RBAK: variants seen among roughly 807,000 people sequenced by gnomAD.
RBAK encodes RB-associated KRAB zinc finger protein.
RBAK carries 39 observed loss-of-function variants against 65.8 expected under a neutral mutation model. That is an observed-to-expected ratio of 0.59 (90% CI 0.46 to 0.77). The LOEUF (loss-of-function observed/expected upper bound fraction) is 0.77, where lower values mean the gene tolerates loss of function less well. Among genes scored for constraint, RBAK ranks in the 30% least tolerant of loss-of-function variants. The pLI is 0.00. For synonymous variants in RBAK, 343 were observed against 289.7 expected, an observed-to-expected ratio of 1.18 and a Z score of -1.87; for missense variants, 884 against 855.1, an observed-to-expected ratio of 1.03 and a Z score of -0.42.
At chr7:5,053,584 A>C (rs950388043) in intron 2 of RBAK, among the ~76,000 whole-genome samples, 2 of 152,066 alleles carry the variant, frequency 1.3e-5, no homozygotes, top group African/African-American at 4.8e-5. Flanking sequence ...CCCTCCATTG[A>C]TTCTTGTTGC....
chr7:5,057,234 A>G (rs1395204059), intron 2 of RBAK, 61 bp from the exon 3 acceptor site: 2 of 1,610,352 alleles, frequency 1.2e-6, no homozygotes, highest in Non-Finnish European at 1.7e-6. Context: ...TGGGCTTTGT[A>G]AAACGTTATC....
At chr7:5,056,110 T>TC (rs961338196) in intron 2 of RBAK, among the ~76,000 whole-genome samples, 6 of 146,582 alleles carry the variant, frequency 4.1e-5, no homozygotes, top group Non-Finnish European at 7.5e-5. Flanking sequence ...TTTTCTTTTT[T>TC]TTTTTTTTTT....
chr7:5,062,236 G>T (rs1779093220), intron 4 of RBAK, among the ~76,000 whole-genome samples: 1 of 152,154 alleles, frequency 6.6e-6, no homozygotes, highest in Admixed American at 6.5e-5. Context: ...CGGGGAACCT[G>T]CCCCGATAGT....
intron 2 of RBAK, among the ~76,000 whole-genome samples, chr7:5,055,982 C>T (rs1410526609): frequency 3.9e-5 from 6 of 152,114 alleles, no homozygotes; most frequent in Non-Finnish European, 5.9e-5. Flanking sequence ...AGCCTGCTTA[C>T]TGGGCACTTC....
At chr7:5,057,061 A>AAT (rs997269581) in intron 2 of RBAK, 5 of 202,444 alleles carry the variant, frequency 2.5e-5, no homozygotes, top group Non-Finnish European at 3.5e-5. Context: ...TTTGTGGGGC[A>AAT]ATATATATAT....
chr7:5,068,668 A>G lies in RBAK; in HGVS notation c.*3067A>G, dbSNP rs887650901. 1.3e-5 allele frequency: 2 copies of G among 152,354 alleles called. No individual in the cohort carries two copies. Among genetic ancestry groups the G allele is most frequent in the African/African-American group, 2.4e-5 (1 of 41,576 alleles). 9.4% of individuals were successfully genotyped at this position (152,354 alleles called of 1,614,324 possible). On this transcript the variant is annotated 3_prime_UTR_variant, in exon 5 of 5. Transcript: ENST00000396912. ...TGAAAGCTGGCACTAAAAGCCAAGC[A>G]TATGTATACTGTTTTACCCAAACCC...
chr7:5,062,569 C>G (rs1779103311), intron 4 of RBAK, among the ~76,000 whole-genome samples: 1 of 152,150 alleles, frequency 6.6e-6, no homozygotes, highest in African/African-American at 2.4e-5. Context: ...GTTTCAGGCA[C>G]CATTGTCATT....
chr7:5,048,180 T>TTTG lies in RBAK; in HGVS notation c.15+89_15+90insTTG. ...GTAAGGATTCTTACCTTTTTTTTTT[T>TTTG]CTTTTTTTTTGAGATGGAGTCTTGC... is the stretch of plus-strand genomic sequence containing the variant. On this transcript the variant is annotated intron_variant, in intron 2 of 4. Coordinates refer to ENST00000396912, the MANE Select transcript of RBAK (RefSeq NM_021163.4). This position sits in a 1 kb window ranked among gnomAD's most constrained non-coding sequence, Gnocchi z 4.4. The TTTG allele has an allele frequency of 6.5e-7, 1 of 1,547,654 alleles. No individual in the cohort carries two copies. The highest frequency in any genetic ancestry group is 8.8e-7 in the Non-Finnish European group (1 of 1,140,780).
chr7:5,065,589 G>A lies in RBAK; in HGVS notation c.2133G>A (p.Val711=), dbSNP rs944991259. 4 of 1,510,672 alleles carry A rather than the reference G, an allele frequency of 2.6e-6. No homozygotes were observed. The highest frequency in any genetic ancestry group is 3.5e-6 in the Non-Finnish European group (4 of 1,131,406). 93.6% of individuals were successfully genotyped at this position (1,510,672 alleles called of 1,614,324 possible). A position where few individuals can be genotyped will look rare whatever the true frequency, so the allele number is the denominator to read the frequency against. ...GAGGAAATATGAACGTACTTGATGTGGAAAATCTCTGAAGTCAGATCTCAA... is the reference window on the plus strand; with the variant it reads ...GAGGAAATATGAACGTACTTGATGTAGAAAATCTCTGAAGTCAGATCTCAA... The part of the protein sequence containing the change: ...HRRGNMNVLD[V]ENL The change falls in exon 5 of 5, where the codon GTG becomes GTA. Residue 711 remains valine, a synonymous_variant. Transcript: ENST00000396912. The surrounding 1 kb of genome is among the most constrained non-coding windows in gnomAD (Gnocchi z 5.3).
chr7:5,057,297 G>T lies in RBAK; in HGVS notation c.18G>T (p.Gly6=), dbSNP rs745970737. Residue 6 remains glycine, a splice_region_variant and synonymous_variant, in exon 3 of 5, where the codon GGG becomes GGT. Transcript: ENST00000396912. ...TTCTGATCATGTTGCCATTACAGGG[G>T]CCAGTGTCATTCAAAGATGTGGCTG... MNTLQ[G]PVSFKDVAVD... The T allele has an allele frequency of 1.2e-6, 2 of 1,613,840 alleles. No homozygotes were observed. The highest frequency in any genetic ancestry group is 1.3e-5 in the African/African-American group (1 of 74,958).
chr7:5,060,938 A>T (rs1360917116), intron 4 of RBAK, among the ~76,000 whole-genome samples: 1 of 152,230 alleles, frequency 6.6e-6, no homozygotes, highest in Admixed American at 6.5e-5. Flanking sequence ...ACATAAAAAT[A>T]AAAGTACATC....
Position 5,046,351 on chromosome 7 carries a change from C to T in RBAK, c.-90C>T, listed in dbSNP as rs760770918. ...CGCGCCAGCGACAGCAGCCCCGCCC[C>T]GGCCTCTCGGGAGCCGTGGGGCAGA... On this transcript the variant is annotated 5_prime_UTR_variant, in exon 1 of 5. Coordinates refer to ENST00000396912, the MANE Select transcript of RBAK (RefSeq NM_021163.4). 6 of 515,680 alleles carry T rather than the reference C, an allele frequency of 1.2e-5. No individual in the cohort carries two copies. Among genetic ancestry groups the T allele is most frequent in the Non-Finnish European group, 1.5e-5 (4 of 259,318 alleles). The allele number at this position is 515,680 out of a possible 1,614,324, so 31.9% of individuals were successfully genotyped here.
At position 5,064,803 on chromosome 7, in the gene RBAK, A is replaced by G. The variant is rs763245866; in HGVS notation, c.1347A>G (p.Arg449=). Residue 449 remains arginine (R), a synonymous_variant, in exon 5 of 5, where the codon AGA becomes AGG. Transcript: ENST00000396912. The surrounding 1 kb of genome is among the most constrained non-coding windows in gnomAD (Gnocchi z 6.3). ...SRVSYLTIHY[R]SHLEEKPYEC... ...TGTCATACCTCACTATACATTATAG[A>G]AGTCATTTAGAAGAGAAACCCTATG... 1 of 1,614,140 alleles carries G rather than the reference A, an allele frequency of 6.2e-7. No individual in the cohort carries two copies. Among genetic ancestry groups the G allele is most frequent in the South Asian group, 1.1e-5 (1 of 91,088 alleles).
intron 2 of RBAK, among the ~76,000 whole-genome samples, chr7:5,054,717 G>A (rs1315747122): frequency 6.6e-6 from 1 of 152,116 alleles, no homozygotes; most frequent in Admixed American, 6.5e-5. Flanking sequence ...ACAGGCATGA[G>A]CCACTGCACC....
chr7:5,047,017 C>T (rs1788003255), intron 1 of RBAK, among the ~76,000 whole-genome samples: 1 of 152,130 alleles, frequency 6.6e-6, no homozygotes, highest in Non-Finnish European at 1.5e-5. Flanking sequence ...GAAACAAAAC[C>T]ATATTTTATA....
Position 5,048,537 on chromosome 7 carries a change from G to A in RBAK, c.15+446G>A, listed in dbSNP as rs1362318738. Among the ~76,000 whole-genome samples the A allele has an allele frequency of 3.3e-5, 5 of 152,286 alleles. No homozygotes were observed. Among genetic ancestry groups the A allele is most frequent in the African/African-American group, 1.2e-4 (5 of 41,564 alleles). On this transcript the variant is annotated intron_variant, in intron 2 of 4. Coordinates refer to ENST00000396912, the MANE Select transcript of RBAK (RefSeq NM_021163.4). This position sits in a 1 kb window ranked among gnomAD's most constrained non-coding sequence, Gnocchi z 4.4. Reference sequence around the variant, plus strand: ...TTGTCCTGTAAAATATAGTTAGTGTGGCAGATCAGCACCAAAAATGATTTG... The same window carrying A: ...TTGTCCTGTAAAATATAGTTAGTGTAGCAGATCAGCACCAAAAATGATTTG...
intron 2 of RBAK, among the ~76,000 whole-genome samples, chr7:5,054,723 G>A (rs1286072135): frequency 6.6e-6 from 1 of 152,102 alleles, no homozygotes; most frequent in Non-Finnish European, 1.5e-5. Context: ...ATGAGCCACT[G>A]CACCTGGCCT....
At chr7:5,058,448 A>G (rs1464758536) in intron 4 of RBAK, among the ~76,000 whole-genome samples, 3 of 152,090 alleles carry the variant, frequency 2.0e-5, no homozygotes, top group Non-Finnish European at 4.4e-5. Flanking sequence ...CATTCCTTTT[A>G]TCTTCCATTT....
intron 2 of RBAK, among the ~76,000 whole-genome samples, chr7:5,052,875 T>C (rs1788147553): frequency 6.6e-6 from 1 of 152,158 alleles, no homozygotes; most frequent in African/African-American, 2.4e-5. Flanking sequence ...TTCTCCTGCC[T>C]CAGCCTCCCG....
Sources: allele counts gnomAD v4.1 joint callset (sites outside exome capture counted in the v4.1 genomes callset), GRCh38; gene constraint gnomAD v4.1.1; non-coding constraint Gnocchi (gnomAD v3.1); transcripts MANE v1.5; gene names NCBI Gene and HGNC (gene_info 2026-07-23, HGNC 2026-07-21).